The following ALYREF variants were observed in gnomAD, a reference collection of about 807,000 sequenced individuals.
The protein encoded by ALYREF is Aly/REF export factor.
A neutral mutation model predicts 25.2 loss-of-function variants in ALYREF; 1 was observed. The ratio of observed to expected loss-of-function variants is 0.04; its 90% confidence interval spans 0.01 to 0.19. The LOEUF (loss-of-function observed/expected upper bound fraction) is 0.19, where lower values mean the gene tolerates loss of function less well. Ranked by LOEUF, ALYREF falls within the 10% of genes least tolerant of loss-of-function variation. The pLI, the probability that ALYREF is intolerant of heterozygous loss-of-function variation, is 1.00. For synonymous variants in ALYREF, 193 were observed against 153.5 expected (o/e 1.26, Z -1.90); for missense variants, 328 against 375.6 (o/e 0.87, Z 1.05).
chr17:81,891,267 C>T (rs890309579), intron 1 of ALYREF, 56 bp downstream of exon 1: 1 of 1,097,676 alleles, frequency 9.1e-7, no homozygotes, highest in Middle Eastern at 3.9e-4. Flanking sequence ...GCGGCCCCGG[C>T]CCCAGCCCCG....
rs2039453008 is a variant in ALYREF, at chr17:81,887,921, A to C, written c.*210T>G. 1.7e-6 allele frequency: 1 copy of C among 571,436 alleles called. No individual in the cohort carries two copies. Among genetic ancestry groups the C allele is most frequent in the East Asian group, 3.1e-5 (1 of 32,124 alleles). The allele number at this position is 571,436 out of a possible 1,614,324, so 35.4% of individuals were successfully genotyped here. ...AACAGCAACCAGTAAAATTTATCCC[A>C]AAAATAACTCGGTACAAAACAGGTC... On this transcript the variant is annotated 3_prime_UTR_variant, in exon 6 of 6. Coordinates refer to ENST00000505490, the MANE Select transcript of ALYREF (RefSeq NM_005782.4).
At chr17:81,889,410 G>T in intron 2 of ALYREF, 81 bp from the exon 3 acceptor site, 10 of 1,529,798 alleles carry the variant, frequency 6.5e-6, no homozygotes, top group Non-Finnish European at 9.0e-6. Flanking sequence ...CCCTGGAAGC[G>T]TGAGTTGCTT....
In ALYREF at chr17:81,887,985, A is replaced by C. The variant is rs1361686041; in HGVS notation, c.*146T>G. 4 of 943,962 alleles carry C rather than the reference A, an allele frequency of 4.2e-6. No homozygotes were observed. The highest frequency in any genetic ancestry group is 4.5e-6 in the Non-Finnish European group (3 of 673,938). The allele number at this position is 943,962 out of a possible 1,614,324, so 58.5% of individuals were successfully genotyped here. A position where few individuals can be genotyped will look rare whatever the true frequency, so the allele number is the denominator to read the frequency against. ...AAAAAAAAAAAAAAGAAAAAAAAAA[A>C]ACCTTTACATGAGTTTTTAAATCCT... On this transcript the variant is annotated 3_prime_UTR_variant, in exon 6 of 6. Coordinates refer to ENST00000505490, the MANE Select transcript of ALYREF (RefSeq NM_005782.4).
rs377486921 is a variant in ALYREF at position 81,888,088 on chromosome 17, G to A, written c.*43C>T. ...CCGCCCCCCAACCAGGGAGCAAGAG[G>A]AGACGCCTGGGTCCTGTTCCGCACG... On this transcript the variant is annotated 3_prime_UTR_variant, in exon 6 of 6. Coordinates refer to ENST00000505490, the MANE Select transcript of ALYREF (RefSeq NM_005782.4). The surrounding 1 kb of genome is among the most constrained non-coding windows in gnomAD (Gnocchi z 5.8). 16 of 1,613,314 alleles carry A rather than the reference G, an allele frequency of 9.9e-6. No individual in the cohort carries two copies. The highest frequency in any genetic ancestry group is 1.3e-5 in the African/African-American group (1 of 74,998).
rs751141229 is a variant in ALYREF, at chr17:81,889,344, G to C, written c.391-15C>G. ...GCAAAGAGTTCCTGGGAGTTGCAGA[G>C]AGCAGTTGTCAGAAAAGCAACAAAA... On this transcript the variant is annotated splice_polypyrimidine_tract_variant and intron_variant, in intron 2 of 5. Transcript: ENST00000505490. The C allele has an allele frequency of 1.2e-5, 20 of 1,610,440 alleles. No homozygotes were observed. Among genetic ancestry groups the C allele is most frequent in the Non-Finnish European group, 1.7e-5 (20 of 1,176,892 alleles).
rs778329278 is a variant in ALYREF at position 81,888,525 on chromosome 17, T to A, written c.597A>T (p.Ala199=). The change falls in exon 4 of 6, where the codon GCA becomes GCT. Residue 199 remains alanine (A), a synonymous_variant. Coordinates refer to ENST00000505490, the MANE Select transcript of ALYREF (RefSeq NM_005782.4). This position sits in a 1 kb window ranked among gnomAD's most constrained non-coding sequence, Gnocchi z 5.8. ...TSQIDAQRRP[A]QSVNRGGMTR... ...CCAGAGGCCCCGGAAGTCACCTCTG[T>A]GCAGGCCTCCGCTGTGCGTCAATCT... 3.1e-6 allele frequency: 5 copies of A among 1,598,994 alleles called. No homozygotes were observed. The South Asian group carries it at 5.6e-5, about 18-fold the overall frequency.
In ALYREF at chr17:81,888,353, C is replaced by T. The variant is rs780322959; in HGVS notation, c.668G>A (p.Arg223Gln). 9.4e-6 allele frequency: 15 copies of T among 1,603,560 alleles called. No individual in the cohort carries two copies. Among genetic ancestry groups the T allele is most frequent in the African/African-American group, 2.7e-5 (2 of 74,864 alleles). Residue 223 changes from arginine to glutamine, a missense_variant, in exon 5 of 6, where the codon CGG becomes CAG. Transcript: ENST00000505490. The surrounding 1 kb of genome is among the most constrained non-coding windows in gnomAD (Gnocchi z 5.8). ...ACGGGCGCCTCCGCGGGTGCCTCTC[C>T]GGGTGCCTCCACCACCACCAAAACC... is the stretch of plus-strand genomic sequence containing the variant. ...AGGFGGGGGT[R>Q]RGTRGGARGR...
In ALYREF at chr17:81,888,636, C is replaced by T. The variant is rs1051806908; in HGVS notation, c.539-53G>A. 11 of 1,553,668 alleles carry T rather than the reference C, an allele frequency of 7.1e-6. No homozygotes were observed. The highest frequency in any genetic ancestry group is 9.6e-6 in the Non-Finnish European group (11 of 1,146,584). On this transcript the variant is annotated intron_variant, in intron 3 of 5. Coordinates refer to ENST00000505490, the MANE Select transcript of ALYREF (RefSeq NM_005782.4). This position sits in a 1 kb window ranked among gnomAD's most constrained non-coding sequence, Gnocchi z 5.8. ...TTCTATTGAGAGGCTCTGAAACCCA[C>T]CCAGCTGGCGCCACACCCTGGTCTC...
At position 81,889,176 on chromosome 17, in the gene ALYREF, A is replaced by AGT. The variant is rs2039469728; in HGVS notation, c.538+5_538+6insAC. 1.2e-6 allele frequency: 2 copies of AGT among 1,613,548 alleles called. No homozygotes were observed. Among genetic ancestry groups the AGT allele is most frequent in the South Asian group, 2.2e-5 (2 of 91,074 alleles). The stretch of plus-strand genomic sequence containing the variant: ...ACAGTCAGCGTGGGTCCACCCCCAG[A>AGT]CTCACCATCCAGAGGGACGCCGTTG... On this transcript the variant is annotated splice_donor_region_variant and intron_variant, in intron 3 of 5. Coordinates refer to ENST00000505490, the MANE Select transcript of ALYREF (RefSeq NM_005782.4).
chr17:81,890,869 G>A lies in ALYREF; in HGVS notation c.259-49C>T, dbSNP rs375501029. 66 of 1,613,112 alleles carry A rather than the reference G, an allele frequency of 4.1e-5. No individual in the cohort carries two copies. The East Asian group carries it at 1.0e-3, about 25-fold the overall frequency. ...GCAGATCTGTGAGTCTCAGTCCAGG[G>A]CTTTCCTGACCCTCACGGCTACTCC... On this transcript the variant is annotated intron_variant, in intron 1 of 5. Coordinates refer to ENST00000505490, the MANE Select transcript of ALYREF (RefSeq NM_005782.4).
rs1860491377 is a variant in ALYREF, at chr17:81,888,978, G to A, written c.538+204C>T. On this transcript the variant is annotated intron_variant, in intron 3 of 5. Transcript: ENST00000505490. This position sits in a 1 kb window ranked among gnomAD's most constrained non-coding sequence, Gnocchi z 5.8. ...TCCGGAAGGAGCTGAAGGAGGGGAG[G>A]GATGTAGCTTGCTGGATGGGGGTTC... 2.1e-6 allele frequency: 3 copies of A among 1,424,248 alleles called. No individual in the cohort carries two copies. Among genetic ancestry groups the A allele is most frequent in the Non-Finnish European group, 2.7e-6 (3 of 1,091,284 alleles). The allele number at this position is 1,424,248 out of a possible 1,614,324, so 88.2% of individuals were successfully genotyped here.
rs1242041558 is a variant in ALYREF, at chr17:81,888,233, G to A, written c.780+8C>T. Reference sequence around the variant, plus strand: ...ACCAGGCCCCCAGCTGGCTCCCCCGGGACTCACTCTCGCATTATAGGCGTC... The same window carrying A: ...ACCAGGCCCCCAGCTGGCTCCCCCGAGACTCACTCTCGCATTATAGGCGTC... On this transcript the variant is annotated splice_region_variant and intron_variant, in intron 5 of 5. Coordinates refer to ENST00000505490, the MANE Select transcript of ALYREF (RefSeq NM_005782.4). The surrounding 1 kb of genome is among the most constrained non-coding windows in gnomAD (Gnocchi z 5.8). The A allele has an allele frequency of 7.4e-6, 12 of 1,613,184 alleles. No individual in the cohort carries two copies. In the East Asian group the frequency reaches 2.5e-4, roughly 33 times the overall value.
Position 81,888,356 on chromosome 17 carries a change from G to A in ALYREF, c.665C>T (p.Thr222Ile). Residue 222 changes from threonine (T) to isoleucine (I), a missense_variant, in exon 5 of 6, where the codon ACC becomes ATC. Coordinates refer to ENST00000505490, the MANE Select transcript of ALYREF (RefSeq NM_005782.4). This position sits in a 1 kb window ranked among gnomAD's most constrained non-coding sequence, Gnocchi z 5.8. ...GAGGFGGGGG[T>I]RRGTRGGARG... ...GGCGCCTCCGCGGGTGCCTCTCCGG[G>A]TGCCTCCACCACCACCAAAACCTCC... 6.2e-7 allele frequency: 1 copy of A among 1,603,758 alleles called. No homozygotes were observed. The highest frequency in any genetic ancestry group is 8.5e-7 in the Non-Finnish European group (1 of 1,178,126).
At chr17:81,889,372 G>A (rs773424222) in intron 2 of ALYREF, 43 bp from the exon 3 acceptor site, 1 of 1,604,640 alleles carries the variant, frequency 6.2e-7, no homozygotes, top group Admixed American at 1.7e-5. Context: ...CAACAAAACT[G>A]CGTTCCTTCT....
In ALYREF at chr17:81,890,807, G is replaced by C; in HGVS notation, c.272C>G (p.Pro91Arg). ...GAAAAGATCGTGCTGCCACTTGTCGGGAAGTTGTTTTGGCTGAAAAAAAAA... is the reference window on the plus strand; with the variant it reads ...GAAAAGATCGTGCTGCCACTTGTCGCGAAGTTGTTTTGGCTGAAAAAAAAA... ...PAPYSRPKQL[P>R]DKWQHDLFDS... Residue 91 changes from proline (P) to arginine (R), a missense_variant, in exon 2 of 6, where the codon CCC becomes CGC. Pro to Arg is a moderately radical substitution (Grantham distance 103). Transcript: ENST00000505490. 1 of 1,614,118 alleles carries C rather than the reference G, an allele frequency of 6.2e-7. No homozygotes were observed. The highest frequency in any genetic ancestry group is 8.5e-7 in the Non-Finnish European group (1 of 1,180,006).
rs1466392508 is a variant in ALYREF, at chr17:81,890,757, C to T, written c.322G>A (p.Gly108Ser). Residue 108 changes from glycine to serine, a missense_variant, in exon 2 of 6, where the codon GGC (glycine) becomes AGC (serine). By Grantham distance (56) the Gly-to-Ser change is moderately conservative (BLOSUM62 0). Coordinates refer to ENST00000505490, the MANE Select transcript of ALYREF (RefSeq NM_005782.4). ...AGCAGTTTCCCACCTGTCTCCACGC[C>T]GGCACCACCGCCGAAGCCACTGTCG... ...LFDSGFGGGAGVETGGKLLVS... is the reference protein window; with the variant it reads ...LFDSGFGGGASVETGGKLLVS... The T allele has an allele frequency of 3.1e-6, 5 of 1,614,064 alleles. No individual in the cohort carries two copies. The highest frequency in any genetic ancestry group is 4.2e-6 in the Non-Finnish European group (5 of 1,180,002).
rs1292608048 is a variant in ALYREF, at chr17:81,888,828, G to A, written c.539-245C>T. 1.4e-6 allele frequency: 2 copies of A among 1,418,652 alleles called. No individual in the cohort carries two copies. The highest frequency in any genetic ancestry group is 1.4e-5 in the African/African-American group (1 of 69,476). The allele number at this position is 1,418,652 out of a possible 1,614,324, so 87.9% of individuals were successfully genotyped here. On this transcript the variant is annotated intron_variant, in intron 3 of 5. Transcript: ENST00000505490. This position sits in a 1 kb window ranked among gnomAD's most constrained non-coding sequence, Gnocchi z 5.8. ...GGGCTGCTCGCTGAGGTATCGGGGT[G>A]CTCGTGGGTGGAGAGGTGTGGGTGA...
intron 2 of ALYREF, among the ~76,000 whole-genome samples, 174 bp downstream of exon 2, chr17:81,890,515 G>A (rs2039499489): frequency 6.6e-6 from 1 of 152,072 alleles, no homozygotes; most frequent in Admixed American, 6.6e-5. Flanking sequence ...AGCTAGGCTC[G>A]CACCTGCCTG....
intron 2 of ALYREF, 70 bp downstream of exon 2, chr17:81,890,619 G>A (rs1252717839): frequency 1.3e-6 from 2 of 1,584,178 alleles, no homozygotes; most frequent in African/African-American, 1.4e-5. Flanking sequence ...GGGACTCAGG[G>A]CCACATCCCC....
Sources: gnomAD v4.1 joint callset for allele counts (sites outside exome capture counted in the v4.1 genomes callset) on GRCh38, gnomAD v4.1.1 for gene constraint, Gnocchi (gnomAD v3.1) non-coding constraint, MANE v1.5 for transcripts, NCBI Gene and HGNC (gene_info 2026-07-23, HGNC 2026-07-21) for gene names.